SETBP1: variants seen among roughly 807,000 people sequenced by gnomAD.
SETBP1 encodes SET binding protein 1, also known as SET-binding protein.
A neutral mutation model predicts 101.0 loss-of-function variants in SETBP1; 9 were observed. The ratio of observed to expected loss-of-function variants is 0.09; its 90% CI spans 0.05 to 0.16. The LOEUF (loss-of-function observed/expected upper bound fraction) is 0.16. SETBP1 is among the 10% of genes least tolerant of loss of function. The pLI is 1.00. For synonymous variants in SETBP1, 818 were observed against 788.5 expected, an observed-to-expected ratio of 1.04 and a Z score of -0.63; for missense variants, 1,858 against 2,033.8, an observed-to-expected ratio of 0.91 and a Z score of 1.66.
chr18:44,842,191 G>A (rs11660385), intron 2 of SETBP1, among the ~76,000 whole-genome samples: 9,144 of 152,302 alleles, frequency 0.06, 274 homozygotes, highest in Middle Eastern at 0.12. Flanking sequence ...GCACATTGCA[G>A]GTTGCCACTT....
chr18:44,855,567 C>G (rs565528622), intron 2 of SETBP1, among the ~76,000 whole-genome samples: 4 of 152,222 alleles, frequency 2.6e-5, no homozygotes, highest in Non-Finnish European at 5.9e-5. Context: ...GGGGCCAACT[C>G]ATGCTAGGTG....
At chr18:44,834,455 G>A (rs16978191) in intron 2 of SETBP1, among the ~76,000 whole-genome samples, 3,009 of 152,216 alleles carry the variant, frequency 0.02, 97 homozygotes, top group African/African-American at 0.068. Context: ...GCTGTGAGTC[G>A]AAAGGAGGGC....
In SETBP1 at chr18:44,790,072, T is replaced by C. The variant is rs539970809; in HGVS notation, c.487-79158T>C. On this transcript the variant is annotated intron_variant, in intron 2 of 5. Transcript: ENST00000649279. The stretch of plus-strand genomic sequence containing the variant: ...TTCTCCTTTGAATCCTGGTAGCTGC[T>C]GCACAGATTACAGTTCTGTGATCCC... 3.9e-5 allele frequency among the ~76,000 whole-genome samples: 6 copies of C among 152,314 alleles called. No homozygotes were observed. In the East Asian group the frequency reaches 1.2e-3, roughly 29 times the overall value.
intron 2 of SETBP1, among the ~76,000 whole-genome samples, chr18:44,741,600 A>G (rs777006277): frequency 8.5e-5 from 13 of 152,104 alleles, no homozygotes; most frequent in Non-Finnish European, 1.5e-4. Context: ...CTTAGTTGCT[A>G]AGGCAACCCA....
intron 1 of SETBP1, among the ~76,000 whole-genome samples, chr18:44,689,416 C>T (rs117097899): frequency 9.0e-4 from 137 of 152,328 alleles, no homozygotes; most frequent in Non-Finnish European, 1.6e-3. Context: ...CCCTCTATGT[C>T]AGACTCAATG....
chr18:45,017,508 G>A (rs1599453267), intron 4 of SETBP1, among the ~76,000 whole-genome samples: 1 of 152,196 alleles, frequency 6.6e-6, no homozygotes, highest in Non-Finnish European at 1.5e-5. Context: ...AAACTCCTCC[G>A]AAGGAAGGGA....
intron 2 of SETBP1, among the ~76,000 whole-genome samples, chr18:44,725,259 C>T (rs1391743032): frequency 6.6e-6 from 1 of 152,152 alleles, no homozygotes; most frequent in Non-Finnish European, 1.5e-5. Context: ...TGTATCTGCT[C>T]ACAGTTTGGG....
intron 2 of SETBP1, among the ~76,000 whole-genome samples, chr18:44,810,384 A>G (rs2144823943): frequency 6.6e-6 from 1 of 152,364 alleles, no homozygotes; most frequent in East Asian, 1.9e-4. Context: ...GAACACAATG[A>G]AAAGTGCTCT....
intron 2 of SETBP1, among the ~76,000 whole-genome samples, chr18:44,781,645 G>A (rs2071133897): frequency 6.6e-6 from 1 of 152,092 alleles, no homozygotes; most frequent in African/African-American, 2.4e-5. Context: ...GAAGAAATGT[G>A]TAATCCCTCA....
At chr18:44,752,420 TTCAAGGAA>T (rs2070403594) in intron 2 of SETBP1, among the ~76,000 whole-genome samples, 1 of 152,158 alleles carries the variant, frequency 6.6e-6, no homozygotes, top group African/African-American at 2.4e-5. Context: ...ACAGGAACGC[TTCAAGGAA>T]TGTGGCAGTT....
chr18:44,708,836 T>C (rs1473139961), intron 2 of SETBP1, among the ~76,000 whole-genome samples: 1 of 152,206 alleles, frequency 6.6e-6, no homozygotes, highest in African/African-American at 2.4e-5. Flanking sequence ...ATCTAGAAAC[T>C]TTAAGGGCCA....
At chr18:45,059,275 T>G (rs1287647627) in intron 5 of SETBP1, among the ~76,000 whole-genome samples, 1 of 152,182 alleles carries the variant, frequency 6.6e-6, no homozygotes, top group Non-Finnish European at 1.5e-5. Flanking sequence ...TTTCATCTAT[T>G]AATATTTTAG....
chr18:45,030,009 T>C lies in SETBP1; in HGVS notation c.4001-8476T>C, dbSNP rs575213372. 2.1e-4 allele frequency among the ~76,000 whole-genome samples: 31 copies of C among 146,862 alleles called. No individual in the cohort carries two copies. In the South Asian group the frequency reaches 6.5e-3, roughly 31 times the overall value. On this transcript the variant is annotated intron_variant, in intron 4 of 5. Coordinates refer to ENST00000649279, the MANE Select transcript of SETBP1 (RefSeq NM_015559.3). ...TAATTGAATACCCTTTATTTCCTTC[T>C]CCTGCCTGATTGCCCTGGCCAGAAC...
chr18:44,910,375 G>C (rs994665989), intron 3 of SETBP1, among the ~76,000 whole-genome samples: 2 of 152,178 alleles, frequency 1.3e-5, no homozygotes, highest in South Asian at 4.1e-4. Flanking sequence ...CCTTACCTCA[G>C]AGCTCCATTG....
Position 45,038,610 on chromosome 18 carries a change from C to G in SETBP1, c.4126C>G (p.Pro1376Ala). 3 of 1,614,162 alleles carry G rather than the reference C, an allele frequency of 1.9e-6. No individual in the cohort carries two copies. The highest frequency in any genetic ancestry group is 2.5e-6 in the Non-Finnish European group (3 of 1,180,026). The change falls in exon 5 of 6, where the codon CCA (proline) becomes GCA (alanine). Residue 1376 changes from proline (P) to alanine (A), a missense_variant. Pro to Ala is a conservative substitution (Grantham distance 27). Transcript: ENST00000649279. ...TGACAGTGTTACAATTCCACCAGCC[C>G]CAGTGTTATCTCTCCTTGCTGCATC... ...AVDSVTIPPAPVLSLLAASAA... is the reference protein window; with the variant it reads ...AVDSVTIPPAAVLSLLAASAA...
At chr18:44,830,159 A>G (rs1158099408) in intron 2 of SETBP1, among the ~76,000 whole-genome samples, 1 of 152,222 alleles carries the variant, frequency 6.6e-6, no homozygotes, top group Non-Finnish European at 1.5e-5. Context: ...TTAATAGTGT[A>G]CTAATCTTCA....
At chr18:45,000,959 T>C (rs1417962685) in intron 4 of SETBP1, among the ~76,000 whole-genome samples, 1 of 152,082 alleles carries the variant, frequency 6.6e-6, no homozygotes, top group African/African-American at 2.4e-5. Flanking sequence ...CCCAACAAAA[T>C]AGAGGTTGAA....
chr18:44,721,270 G>C (rs532149724), intron 2 of SETBP1, among the ~76,000 whole-genome samples: 5 of 152,128 alleles, frequency 3.3e-5, no homozygotes, highest in Non-Finnish European at 7.4e-5. Context: ...AAGAGCTCTG[G>C]GTATGCACAA....
rs186959725 is a variant in SETBP1 at position 44,901,908 on chromosome 18, A to T, written c.540+32625A>T. On this transcript the variant is annotated intron_variant, in intron 3 of 5. Coordinates refer to ENST00000649279, the MANE Select transcript of SETBP1 (RefSeq NM_015559.3). Reference sequence around the variant, plus strand: ...TTCCCACCAGTATATATTTTAACACATCTTTTAAATTCCCATAGAAAGTGC... The same window carrying T: ...TTCCCACCAGTATATATTTTAACACTTCTTTTAAATTCCCATAGAAAGTGC... 2.3e-3 allele frequency among the ~76,000 whole-genome samples: 350 copies of T among 152,308 alleles called. 1 individual carries two copies. The highest frequency in any genetic ancestry group is 4.0e-3 in the Non-Finnish European group (275 of 68,026).
Sources: gnomAD v4.1 joint callset for allele counts (sites outside exome capture counted in the v4.1 genomes callset) on GRCh38, gnomAD v4.1.1 for gene constraint, MANE v1.5 for transcripts, NCBI Gene and HGNC (gene_info 2026-07-23, HGNC 2026-07-21) for gene names.